The following DIO2 variants were observed in gnomAD, a reference collection of about 807,000 sequenced individuals.
DIO2 encodes the protein type II iodothyronine deiodinase.
In DIO2, 19 loss-of-function variants were observed where a neutral mutation model predicts 21.4. The ratio of observed to expected loss-of-function variants is 0.89; its 90% CI spans 0.62 to 1.30. The LOEUF is 1.30. Ranked by LOEUF, DIO2 falls within the 50% of genes most tolerant of loss-of-function variation. The probability of loss-of-function intolerance (pLI) is 0.00; values close to 1 mark genes in which losing one functional copy is unlikely to be tolerated. For missense variants in DIO2, 302 were observed against 338.1 expected, an observed-to-expected ratio of 0.89 and a Z score of 0.84; for synonymous variants, 122 against 132.9, an observed-to-expected ratio of 0.92 and a Z score of 0.57.
intron 2 of DIO2, among the ~76,000 whole-genome samples, chr14:80,228,847 T>C (rs1466644073): frequency 6.6e-6 from 1 of 152,122 alleles, no homozygotes; most frequent in Admixed American, 6.6e-5. Context: ...CACAATGACA[T>C]TTTGGGTCCC....
intron 2 of DIO2, among the ~76,000 whole-genome samples, chr14:80,229,625 C>A (rs929090315): frequency 3.1e-4 from 47 of 152,274 alleles, no homozygotes; most frequent in African/African-American, 1.1e-3. Flanking sequence ...CTACATTAAG[C>A]CAAGGAAGAT....
At chr14:80,223,025 C>T (rs1020903679) in intron 2 of DIO2, among the ~76,000 whole-genome samples, 6 of 151,896 alleles carry the variant, frequency 4.0e-5, no homozygotes, top group Admixed American at 2.6e-4. Flanking sequence ...CCATGCCTAG[C>T]AAATTATTTT....
Position 80,199,913 on chromosome 14 carries a change from T to C in DIO2, c.*2776A>G, listed in dbSNP as rs112683136. The C allele has an allele frequency of 9.8e-5, 15 of 152,670 alleles. No homozygotes were observed. Among genetic ancestry groups the C allele is most frequent in the African/African-American group, 3.6e-4 (15 of 41,542 alleles). 9.5% of individuals were successfully genotyped at this position (152,670 alleles called of 1,614,324 possible). A position where few individuals can be genotyped will look rare whatever the true frequency, so the allele number is the denominator to read the frequency against. On this transcript the variant is annotated 3_prime_UTR_variant, in exon 2 of 2. Transcript: ENST00000438257. ...CACATTTCCCTGTGGGACTAAGAACTACAATTCTTCAAAGGAACAAACCTT... is the reference window on the plus strand; with the variant it reads ...CACATTTCCCTGTGGGACTAAGAACCACAATTCTTCAAAGGAACAAACCTT...
Position 80,211,406 on chromosome 14 carries a change from G to A in DIO2, c.67C>T (p.Leu23Phe). Reference protein sequence around the residue: ...QILPVFFSNCLFLALYDSVIL... With the variant: ...QILPVFFSNCFFLALYDSVIL... ...ACCGAGTCATAGAGAGCCAGGAAGA[G>A]GCAGTTGGAGAAAAAAACTGGCAGA... Residue 23 changes from leucine (L) to phenylalanine (F), a missense_variant, in exon 1 of 2, where the codon CTC becomes TTC. By Grantham distance (22) the Leu-to-Phe change is conservative. Coordinates refer to ENST00000438257, the MANE Select transcript of DIO2 (RefSeq NM_013989.5). 2 of 1,613,564 alleles carry A rather than the reference G, an allele frequency of 1.2e-6. No individual in the cohort carries two copies. The highest frequency in any genetic ancestry group is 1.7e-6 in the Non-Finnish European group (2 of 1,179,782).
At chr14:80,219,991 A>G (rs1011515293) in intron 2 of DIO2, among the ~76,000 whole-genome samples, 6 of 152,190 alleles carry the variant, frequency 3.9e-5, no homozygotes, top group African/African-American at 2.4e-5. Flanking sequence ...TGATAAGCAT[A>G]AAGTTGATAG....
At position 80,202,147 on chromosome 14, in the gene DIO2, T is replaced by A. The variant is rs556386265; in HGVS notation, c.*542A>T. ...GGGTATGAAGACTGAGAGCACTACATGGCTAGAAGCTGGAACATCAGAAAT... is the reference window on the plus strand; with the variant it reads ...GGGTATGAAGACTGAGAGCACTACAAGGCTAGAAGCTGGAACATCAGAAAT... On this transcript the variant is annotated 3_prime_UTR_variant, in exon 2 of 2. Coordinates refer to ENST00000438257, the MANE Select transcript of DIO2 (RefSeq NM_013989.5). The A allele has an allele frequency of 5.6e-6, 2 of 355,330 alleles. No homozygotes were observed. Among genetic ancestry groups the A allele is most frequent in the African/African-American group, 4.3e-5 (2 of 46,588 alleles). 22.0% of individuals were successfully genotyped at this position (355,330 alleles called of 1,614,324 possible). A position where few individuals can be genotyped will look rare whatever the true frequency, so the allele number is the denominator to read the frequency against.
chr14:80,204,906 T>C (rs1362349188), intron 1 of DIO2, among the ~76,000 whole-genome samples: 2 of 152,318 alleles, frequency 1.3e-5, no homozygotes, highest in East Asian at 3.9e-4. Flanking sequence ...ATTATTAGTG[T>C]TCTAAGAGAA....
Position 80,199,086 on chromosome 14 carries a change from C to T in DIO2, c.*3603G>A, listed in dbSNP as rs1887608759. The T allele has an allele frequency of 6.6e-6, 1 of 152,194 alleles. No individual in the cohort carries two copies. Among genetic ancestry groups the T allele is most frequent in the African/African-American group, 2.4e-5 (1 of 41,448 alleles). 9.4% of individuals were successfully genotyped at this position (152,194 alleles called of 1,614,324 possible). On this transcript the variant is annotated 3_prime_UTR_variant, in exon 2 of 2. Coordinates refer to ENST00000438257, the MANE Select transcript of DIO2 (RefSeq NM_013989.5). The stretch of plus-strand genomic sequence containing the variant: ...AATTCTTCTTGCTTCGCACATAGGC[C>T]ATAGGGCATGCTGAGGACACCTTGT...
Position 80,202,800 on chromosome 14 carries a change from T to C in DIO2, c.711A>G (p.Lys237=). 4.3e-6 allele frequency: 7 copies of C among 1,613,922 alleles called. No individual in the cohort carries two copies. The highest frequency in any genetic ancestry group is 5.9e-6 in the Non-Finnish European group (7 of 1,179,876). Reference sequence around the variant, plus strand: ...GGCCCTTTCCTCCCAGATAAGCAATTTTCTGTCTCTGCACAATGCACACAC... The same window carrying C: ...GGCCCTTTCCTCCCAGATAAGCAATCTTCTGTCTCTGCACAATGCACACAC... The part of the protein sequence containing the change: ...FERVCIVQRQ[K]IAYLGGKGPF... Residue 237 remains lysine (K), a synonymous_variant, in exon 2 of 2, where the codon AAA becomes AAG. Coordinates refer to ENST00000438257, the MANE Select transcript of DIO2 (RefSeq NM_013989.5).
upstream of DIO2, among the ~76,000 whole-genome samples, chr14:80,213,531 TA>T (rs534287261): frequency 1.3e-5 from 2 of 152,160 alleles, no homozygotes; most frequent in South Asian, 4.1e-4. Flanking sequence ...TTTTTGCCTT[TA>T]AAAAAACAAT....
chr14:80,205,053 C>T lies in DIO2; in HGVS notation c.223-1765G>A, dbSNP rs189625988. Among the ~76,000 whole-genome samples the T allele has an allele frequency of 1.8e-3, 276 of 152,212 alleles. 3 individuals are homozygous for T. The highest frequency in any genetic ancestry group is 6.2e-3 in the African/African-American group (259 of 41,524). On this transcript the variant is annotated intron_variant, in intron 1 of 1. Transcript: ENST00000438257. ...TTTCTTGATTAATTTGCAAATGACACTAGATGGAGAAATCTAATAAGCACA... is the reference window on the plus strand; with the variant it reads ...TTTCTTGATTAATTTGCAAATGACATTAGATGGAGAAATCTAATAAGCACA...
chr14:80,203,266 G>T lies in DIO2; in HGVS notation c.245C>A (p.Pro82His). 4 of 1,588,110 alleles carry T rather than the reference G, an allele frequency of 2.5e-6. No individual in the cohort carries two copies. The highest frequency in any genetic ancestry group is 1.7e-6 in the Non-Finnish European group (2 of 1,166,220). Reference protein sequence around the residue: ...YKQVKLGEDAPNSSVVHVSST... With the variant: ...YKQVKLGEDAHNSSVVHVSST... ...GGAGACATGCACCACACTGGAATTG[G>T]GGGCATCCTCACCCAATTTCACCTG... The change falls in exon 2 of 2, where the codon CCC (proline) becomes CAC (histidine). Residue 82 changes from proline to histidine, a missense_variant. Coordinates refer to ENST00000438257, the MANE Select transcript of DIO2 (RefSeq NM_013989.5).
intron 1 of DIO2, among the ~76,000 whole-genome samples, chr14:80,208,537 C>T (rs1218202029): frequency 6.6e-6 from 1 of 152,180 alleles, no homozygotes; most frequent in Non-Finnish European, 1.5e-5. Flanking sequence ...CAGTAAATCA[C>T]ATGTGTAGTT....
At chr14:80,224,186 C>T (rs1594883069) in intron 2 of DIO2, among the ~76,000 whole-genome samples, 1 of 152,020 alleles carries the variant, frequency 6.6e-6, no homozygotes, top group Non-Finnish European at 1.5e-5. Context: ...AACCAATACT[C>T]GGGGAAGGGT....
At chr14:80,228,713 TCTGGCA>T (rs1380208430) in intron 2 of DIO2, among the ~76,000 whole-genome samples, 1 of 152,192 alleles carries the variant, frequency 6.6e-6, no homozygotes, top group Non-Finnish European at 1.5e-5. Context: ...AATTGTGCAT[TCTGGCA>T]CTGGGGAAAT....
intron 1 of DIO2, among the ~76,000 whole-genome samples, chr14:80,210,514 T>C (rs1445925168): frequency 6.6e-6 from 1 of 152,188 alleles, no homozygotes; most frequent in African/African-American, 2.4e-5. Context: ...TAGGGCAACG[T>C]ATTTTATTTT....
At chr14:80,224,213 G>A (rs1020507788) in intron 2 of DIO2, among the ~76,000 whole-genome samples, 2 of 152,084 alleles carry the variant, frequency 1.3e-5, no homozygotes, top group Non-Finnish European at 2.9e-5. Flanking sequence ...AATTGCCAAA[G>A]GTCACAATCT....
At chr14:80,208,118 C>A (rs1412289702) in intron 1 of DIO2, among the ~76,000 whole-genome samples, 10 of 152,222 alleles carry the variant, frequency 6.6e-5, no homozygotes, top group Admixed American at 3.3e-4. Flanking sequence ...CCAGACAGAG[C>A]AATTTGCTTA....
intron 2 of DIO2, among the ~76,000 whole-genome samples, chr14:80,225,674 T>C (rs1888561534): frequency 6.6e-6 from 1 of 152,206 alleles, no homozygotes; most frequent in African/African-American, 2.4e-5. Flanking sequence ...CGTGGGTTTT[T>C]TTTCCTGGTG....
Sources: gnomAD v4.1 joint callset for allele counts (sites outside exome capture counted in the v4.1 genomes callset) on GRCh38, gnomAD v4.1.1 for gene constraint, MANE v1.5 for transcripts, NCBI Gene and HGNC (gene_info 2026-07-23, HGNC 2026-07-21) for gene names.